Variants in ENTREP2 observed in about 807,000 individuals in gnomAD.
ENTREP2 encodes endosomal transmembrane epsin interactor 2.
the ENTREP2 span, among the ~76,000 whole-genome samples, chr15:29,552,611 GA>G: frequency 6.6e-6 from 1 of 151,406 alleles, no homozygotes; most frequent in Non-Finnish European, 1.5e-5. Context: ...ATTGGCAACA[GA>G]AAAAAACCCC....
chr15:29,465,420 C>A, the ENTREP2 span, among the ~76,000 whole-genome samples: 1 of 152,156 alleles, frequency 6.6e-6, no homozygotes, highest in Non-Finnish European at 1.5e-5. Flanking sequence ...ACTGCAAGCT[C>A]CCCATCCCCA....
the ENTREP2 span, among the ~76,000 whole-genome samples, chr15:29,156,944 A>C: frequency 6.6e-6 from 1 of 152,070 alleles, no homozygotes; most frequent in Non-Finnish European, 1.5e-5. Context: ...AAAATATAAA[A>C]AAATTAGCCG....
At chr15:29,389,909 C>A in the ENTREP2 span, among the ~76,000 whole-genome samples, 3 of 152,146 alleles carry the variant, frequency 2.0e-5, no homozygotes, top group Non-Finnish European at 4.4e-5. Context: ...TCACTCCCCC[C>A]ACCCCTCCCT....
At chr15:29,436,161 C>G in the ENTREP2 span, among the ~76,000 whole-genome samples, 3 of 152,166 alleles carry the variant, frequency 2.0e-5, no homozygotes, top group African/African-American at 7.2e-5. Flanking sequence ...GTCATTTTCT[C>G]TACAATGTCA....
At chr15:29,280,840 G>T in the ENTREP2 span, among the ~76,000 whole-genome samples, 4 of 152,162 alleles carry the variant, frequency 2.6e-5, no homozygotes, top group Non-Finnish European at 5.9e-5. Context: ...CCCTTCATCT[G>T]CATGGATAAA....
At chr15:29,479,123 C>T in the ENTREP2 span, among the ~76,000 whole-genome samples, 6 of 145,776 alleles carry the variant, frequency 4.1e-5, no homozygotes, top group South Asian at 1.1e-3. Context: ...AGGAGAATGG[C>T]GTGAACCCGG....
the ENTREP2 span, among the ~76,000 whole-genome samples, chr15:29,426,493 C>T: frequency 3.3e-5 from 5 of 151,840 alleles, no homozygotes; most frequent in Admixed American, 1.3e-4. Context: ...GCCTGTCTGA[C>T]GTCTTACATG....
At chr15:29,492,496 T>C in the ENTREP2 span, among the ~76,000 whole-genome samples, 1 of 152,164 alleles carries the variant, frequency 6.6e-6, no homozygotes, top group African/African-American at 2.4e-5. Flanking sequence ...GATTGACAAA[T>C]TGTGTTCTAT....
At chr15:29,253,807 G>C in the ENTREP2 span, among the ~76,000 whole-genome samples, 1 of 151,416 alleles carries the variant, frequency 6.6e-6, no homozygotes, top group African/African-American at 2.4e-5. Context: ...TAATTTATTA[G>C]GGTTTCCAAA....
At chr15:29,159,192 G>A in the ENTREP2 span, among the ~76,000 whole-genome samples, 3 of 151,978 alleles carry the variant, frequency 2.0e-5, no homozygotes, top group Admixed American at 1.3e-4. Flanking sequence ...TTTCTGGTGG[G>A]TTTGTGGTCT....
At chr15:29,559,595 TC>T in the ENTREP2 span, among the ~76,000 whole-genome samples, 3 of 152,046 alleles carry the variant, frequency 2.0e-5, no homozygotes, top group African/African-American at 7.2e-5. Context: ...AGAATCTGCT[TC>T]CCTGCCTTTC....
At chr15:29,412,055 G>A in the ENTREP2 span, among the ~76,000 whole-genome samples, 3 of 151,904 alleles carry the variant, frequency 2.0e-5, no homozygotes, top group African/African-American at 7.2e-5. Context: ...TTGGCCTATG[G>A]CTCTGTCATA....
At chr15:29,441,267 T>TA in the ENTREP2 span, among the ~76,000 whole-genome samples, 1 of 152,138 alleles carries the variant, frequency 6.6e-6, no homozygotes, top group South Asian at 2.1e-4. Context: ...GTCAAATTCT[T>TA]AGAGACAGGA....
the ENTREP2 span, among the ~76,000 whole-genome samples, chr15:29,426,241 A>G: frequency 1.3e-5 from 2 of 152,164 alleles, 1 homozygote; most frequent in South Asian, 4.1e-4. Flanking sequence ...GAGCTTAGAA[A>G]TCTTGCATAC....
At chr15:29,230,339 C>T in the ENTREP2 span, among the ~76,000 whole-genome samples, 1 of 152,204 alleles carries the variant, frequency 6.6e-6, no homozygotes, top group Non-Finnish European at 1.5e-5. Context: ...GTAATCCCTA[C>T]AGCTCTTAAA....
the ENTREP2 span, among the ~76,000 whole-genome samples, chr15:29,386,957 G>C: frequency 6.6e-6 from 1 of 152,174 alleles, no homozygotes; most frequent in Non-Finnish European, 1.5e-5. Context: ...GGGACAATTT[G>C]ACTTCCTCTT....
the ENTREP2 span, among the ~76,000 whole-genome samples, chr15:29,171,855 G>C: frequency 3.3e-5 from 5 of 152,178 alleles, no homozygotes; most frequent in Non-Finnish European, 5.9e-5. Flanking sequence ...AAGCCACCTA[G>C]AATCTTTTTT....
the ENTREP2 span, among the ~76,000 whole-genome samples, chr15:29,617,605 C>T: frequency 1.3e-5 from 2 of 152,242 alleles, no homozygotes; most frequent in East Asian, 1.9e-4. Flanking sequence ...CATCAACCTA[C>T]GCCATCAGCA....
the ENTREP2 span, among the ~76,000 whole-genome samples, chr15:29,224,914 G>T: frequency 6.6e-6 from 1 of 152,180 alleles, no homozygotes; most frequent in Non-Finnish European, 1.5e-5. Context: ...GGCATGGCGG[G>T]CTGCAGGTCC....
Sources: allele counts gnomAD v4.1 joint callset (sites outside exome capture counted in the v4.1 genomes callset), GRCh38; gene constraint gnomAD v4.1.1; transcripts MANE v1.5; gene names NCBI Gene and HGNC (gene_info 2026-07-23, HGNC 2026-07-21).